YPEL1: variants seen among roughly 807,000 people sequenced by gnomAD.
YPEL1 encodes the protein protein yippee-like 1.
In YPEL1, 7 loss-of-function variants were observed where a neutral mutation model predicts 17.3. The observed-to-expected ratio is 0.40, with a 90% confidence interval of 0.23 to 0.76. The LOEUF (loss-of-function observed/expected upper bound fraction) is 0.76. YPEL1 is among the 30% of genes least tolerant of loss of function. The pLI is 0.35. For synonymous variants in YPEL1, 59 were observed against 59.6 expected, an observed-to-expected ratio of 0.99 and a Z score of 0.05; for missense variants, 91 against 155.5, an observed-to-expected ratio of 0.59 and a Z score of 2.21.
chr22:21,701,618 G>A (rs527513242), intron 4 of YPEL1, among the ~76,000 whole-genome samples: 1 of 152,294 alleles, frequency 6.6e-6, no homozygotes, highest in African/African-American at 2.4e-5. Flanking sequence ...TTACTTGTAG[G>A]ACAGTGTGAA....
chr22:21,708,618 G>A (rs561688507), intron 2 of YPEL1, among the ~76,000 whole-genome samples: 1 of 150,728 alleles, frequency 6.6e-6, no homozygotes, highest in South Asian at 2.1e-4. Context: ...GGGATTACAG[G>A]TGTAAGCCAC....
rs1053750587 is a variant in YPEL1, at chr22:21,697,549, C to T, written c.*3580G>A. ...CTGAGGGCACGATTTAAACATTTGA[C>T]ATCAGAAGCTTTATTTGTAAACCTC... On this transcript the variant is annotated 3_prime_UTR_variant, in exon 5 of 5. Coordinates refer to ENST00000339468, the MANE Select transcript of YPEL1 (RefSeq NM_013313.5). 1 of 155,914 alleles carries T rather than the reference C, an allele frequency of 6.4e-6. No individual in the cohort carries two copies. Among genetic ancestry groups the T allele is most frequent in the Non-Finnish European group, 1.4e-5 (1 of 70,418 alleles). The allele number at this position is 155,914 out of a possible 1,614,324, so 9.7% of individuals were successfully genotyped here. A position where few individuals can be genotyped will look rare whatever the true frequency, so the allele number is the denominator to read the frequency against.
At position 21,698,787 on chromosome 22, in the gene YPEL1, T is replaced by C. The variant is rs1025588945; in HGVS notation, c.*2342A>G. 3 of 152,424 alleles carry C rather than the reference T, an allele frequency of 2.0e-5. No homozygotes were observed. Among genetic ancestry groups the C allele is most frequent in the Non-Finnish European group, 4.4e-5 (3 of 68,066 alleles). The allele number at this position is 152,424 out of a possible 1,614,324, so 9.4% of individuals were successfully genotyped here. On this transcript the variant is annotated 3_prime_UTR_variant, in exon 5 of 5. Coordinates refer to ENST00000339468, the MANE Select transcript of YPEL1 (RefSeq NM_013313.5). Reference sequence around the variant, plus strand: ...CCATGGCAGCAAGAGCCCTGCAGCGTGCAGTGACCCCTGCGCTCTGGGTGG... The same window carrying C: ...CCATGGCAGCAAGAGCCCTGCAGCGCGCAGTGACCCCTGCGCTCTGGGTGG...
chr22:21,726,839 T>C (rs2068340743), intron 1 of YPEL1, among the ~76,000 whole-genome samples: 1 of 152,162 alleles, frequency 6.6e-6, no homozygotes, highest in South Asian at 2.1e-4. Context: ...AGCTCTCGCC[T>C]CCACCTTGTG....
At chr22:21,709,201 C>T (rs1367447189) in intron 2 of YPEL1, among the ~76,000 whole-genome samples, 1 of 152,158 alleles carries the variant, frequency 6.6e-6, no homozygotes, top group Non-Finnish European at 1.5e-5. Flanking sequence ...ACTGCCCCTA[C>T]CCAGGGGCCC....
At chr22:21,716,479 C>G (rs1438453128) in intron 1 of YPEL1, among the ~76,000 whole-genome samples, 12 of 152,302 alleles carry the variant, frequency 7.9e-5, no homozygotes, top group Non-Finnish European at 1.5e-5. Flanking sequence ...CCACCCCGGG[C>G]TTCCGATGAG....
intron 1 of YPEL1, among the ~76,000 whole-genome samples, chr22:21,722,335 G>A (rs557103249): frequency 3.0e-4 from 45 of 152,304 alleles, no homozygotes; most frequent in African/African-American, 8.7e-4. Context: ...AGAAATGCTT[G>A]AACCCTGGAG....
At position 21,698,945 on chromosome 22, in the gene YPEL1, T is replaced by G. The variant is rs2068035194; in HGVS notation, c.*2184A>C. On this transcript the variant is annotated 3_prime_UTR_variant, in exon 5 of 5. Transcript: ENST00000339468. ...TTCCAAGACAGTACAAAGATTTCCTTCCTTTCCTAAGTGGAAGATGTGCTT... is the reference window on the plus strand; with the variant it reads ...TTCCAAGACAGTACAAAGATTTCCTGCCTTTCCTAAGTGGAAGATGTGCTT... 6.6e-6 allele frequency: 1 copy of G among 152,448 alleles called. No homozygotes were observed. The highest frequency in any genetic ancestry group is 1.5e-5 in the Non-Finnish European group (1 of 68,076). The allele number at this position is 152,448 out of a possible 1,614,324, so 9.4% of individuals were successfully genotyped here.
At chr22:21,724,761 T>C (rs1369124147) in intron 1 of YPEL1, among the ~76,000 whole-genome samples, 2 of 151,248 alleles carry the variant, frequency 1.3e-5, no homozygotes, top group Non-Finnish European at 2.9e-5. Flanking sequence ...CTGTATTTTT[T>C]GTAGAGACAA....
chr22:21,704,022 C>G (rs1209969180), intron 2 of YPEL1, 140 bp from the exon 3 acceptor site: 8 of 876,404 alleles, frequency 9.1e-6, no homozygotes, highest in Non-Finnish European at 1.5e-5. Context: ...GGCGTCCCCC[C>G]TCCAGAACTC....
intron 2 of YPEL1, among the ~76,000 whole-genome samples, chr22:21,708,658 C>G (rs1569059680): frequency 2.0e-5 from 2 of 101,974 alleles, no homozygotes; most frequent in Middle Eastern, 6.3e-3. Context: ...ATTCTTGATA[C>G]AATTTTTTTT....
chr22:21,730,254 C>T (rs1007154810), intron 1 of YPEL1, among the ~76,000 whole-genome samples: 4 of 152,070 alleles, frequency 2.6e-5, no homozygotes, highest in African/African-American at 9.7e-5. Context: ...TCCAGAGTCT[C>T]GCTCTGTCTC....
intron 4 of YPEL1, among the ~76,000 whole-genome samples, chr22:21,702,514 C>G (rs1013746700): frequency 6.6e-6 from 1 of 152,080 alleles, no homozygotes; most frequent in Non-Finnish European, 1.5e-5. Flanking sequence ...TCAACAAAGG[C>G]AGGCAGGCCG....
chr22:21,708,413 G>T (rs2068133952), intron 2 of YPEL1, among the ~76,000 whole-genome samples: 1 of 139,976 alleles, frequency 7.1e-6, no homozygotes, highest in Non-Finnish European at 1.5e-5. Flanking sequence ...TCAGCTCACT[G>T]CAACCTCTGC....
intron 1 of YPEL1, among the ~76,000 whole-genome samples, chr22:21,716,455 C>A (rs2068224705): frequency 6.6e-6 from 1 of 152,288 alleles, no homozygotes; most frequent in African/African-American, 2.4e-5. Flanking sequence ...CTGAAAACAT[C>A]TGCCCCCATC....
intron 1 of YPEL1, among the ~76,000 whole-genome samples, chr22:21,733,183 G>A (rs1329514860): frequency 6.6e-6 from 1 of 152,050 alleles, no homozygotes; most frequent in Non-Finnish European, 1.5e-5. Context: ...TTGGGAGGCT[G>A]AGGGGTGGCA....
chr22:21,728,531 G>A (rs9607210), intron 1 of YPEL1, among the ~76,000 whole-genome samples: 5,896 of 152,206 alleles, frequency 0.039, 216 homozygotes, highest in East Asian at 0.14. Flanking sequence ...TGCACATGGG[G>A]AAACCGAAGT....
At chr22:21,715,513 A>G (rs1179240566) in intron 1 of YPEL1, among the ~76,000 whole-genome samples, 15 of 151,638 alleles carry the variant, frequency 9.9e-5, no homozygotes, top group Admixed American at 9.9e-4. Context: ...AACAACAACA[A>G]ACAAACAAAC....
At position 21,703,985 on chromosome 22, in the gene YPEL1, C is replaced by A; in HGVS notation, c.118-103G>T. ...CCAGCCCCGCGGCTGTTAGCTGCGC[C>A]GGGACGCGTCACCGGGAGCAGACAC... On this transcript the variant is annotated intron_variant, in intron 2 of 4. Coordinates refer to ENST00000339468, the MANE Select transcript of YPEL1 (RefSeq NM_013313.5). The surrounding 1 kb of genome is among the most constrained non-coding windows in gnomAD (Gnocchi z 6.1). The A allele has an allele frequency of 7.7e-7, 1 of 1,304,032 alleles. No individual in the cohort carries two copies. Among genetic ancestry groups the A allele is most frequent in the Non-Finnish European group, 1.1e-6 (1 of 921,044 alleles). 80.8% of individuals were successfully genotyped at this position (1,304,032 alleles called of 1,614,324 possible).
Sources: allele counts gnomAD v4.1 joint callset (sites outside exome capture counted in the v4.1 genomes callset), GRCh38; gene constraint gnomAD v4.1.1; non-coding constraint Gnocchi (gnomAD v3.1); transcripts MANE v1.5; gene names NCBI Gene and HGNC (gene_info 2026-07-23, HGNC 2026-07-21).